TRIM23: variants seen among roughly 807,000 people sequenced by gnomAD.
The protein encoded by TRIM23 is tripartite motif containing 23, also known as E3 ubiquitin-protein ligase TRIM23.
A neutral mutation model predicts 71.0 loss-of-function variants in TRIM23; 27 were observed. That is an observed-to-expected ratio of 0.38 (90% CI 0.28 to 0.52). The LOEUF is 0.52. Ranked by LOEUF, TRIM23 falls within the 20% of genes least tolerant of loss-of-function variation. TRIM23 has a pLI of 0.84. For synonymous variants in TRIM23, 234 were observed against 238.0 expected (o/e 0.98, Z 0.16); for missense variants, 482 against 692.3 (o/e 0.70, Z 3.41).
At chr5:65,618,540 G>A (rs914028196) in intron 1 of TRIM23, among the ~76,000 whole-genome samples, 2 of 152,166 alleles carry the variant, frequency 1.3e-5, no homozygotes, top group South Asian at 4.1e-4. Context: ...TATGATTTCA[G>A]TCATTACATC....
chr5:65,597,280 A>G lies in TRIM23; in HGVS notation c.1180-100T>C, dbSNP rs983757522. On this transcript the variant is annotated intron_variant, in intron 7 of 10. Coordinates refer to ENST00000231524, the MANE Select transcript of TRIM23 (RefSeq NM_001656.4). Reference sequence around the variant, plus strand: ...TACATCTCCTATTCATTCCTCAACCATTGCAATCTGAATTGTATTCCTCAA... The same window carrying G: ...TACATCTCCTATTCATTCCTCAACCGTTGCAATCTGAATTGTATTCCTCAA... The G allele has an allele frequency of 2.0e-5, 24 of 1,208,278 alleles. No individual in the cohort carries two copies. The Admixed American group carries it at 4.7e-4, about 24-fold the overall frequency. The allele number at this position is 1,208,278 out of a possible 1,614,324, so 74.8% of individuals were successfully genotyped here. A position where few individuals can be genotyped will look rare whatever the true frequency, so the allele number is the denominator to read the frequency against.
intron 3 of TRIM23, 172 bp downstream of exon 3, chr5:65,613,926 T>C: frequency 1.3e-6 from 2 of 1,505,200 alleles, no homozygotes; most frequent in Non-Finnish European, 1.8e-6. Flanking sequence ...CAAATAATTC[T>C]AGTTTTTTCT....
chr5:65,613,838 AC>A, intron 3 of TRIM23: 1 of 1,375,014 alleles, frequency 7.3e-7, no homozygotes, highest in South Asian at 1.2e-5. Flanking sequence ...TCCTCTTTTC[AC>A]TTTATTCTTG....
chr5:65,600,004 A>G (rs1754317289), intron 7 of TRIM23, among the ~76,000 whole-genome samples: 1 of 152,138 alleles, frequency 6.6e-6, no homozygotes, highest in Admixed American at 6.5e-5. Context: ...GAAACTTACA[A>G]TCATGGTGGA....
Position 65,610,997 on chromosome 5 carries a change from A to G in TRIM23, c.692T>C (p.Leu231Ser), listed in dbSNP as rs1360232136. ...PEANQIRASI[L>S]DMAHCIRTFT... is the part of the protein sequence containing the mutation. ...GGTCCGTATGCAGTGAGCCATATCT[A>G]AAATTGATGCTCGGATCTGATTAGC... Residue 231 changes from leucine to serine, a missense_variant, in exon 5 of 11, where the codon TTA (leucine) becomes TCA (serine). Physicochemically the swap from Leu to Ser is moderately radical, Grantham distance 145. This residue lies in a region of TRIM23 where 307 missense variants were observed against 495.8 expected (regional missense o/e 0.62). Transcript: ENST00000231524. 1 of 1,613,406 alleles carries G rather than the reference A, an allele frequency of 6.2e-7. No homozygotes were observed. The highest frequency in any genetic ancestry group is 1.3e-5 in the African/African-American group (1 of 74,910).
At chr5:65,614,040 A>C in intron 3 of TRIM23, 58 bp downstream of exon 3, 3 of 1,589,524 alleles carry the variant, frequency 1.9e-6, no homozygotes, top group Middle Eastern at 3.4e-4. Flanking sequence ...TAATAATGGC[A>C]TCTATTAAAA....
chr5:65,590,720 CTT>C lies in TRIM23; in HGVS notation c.*1047_*1048del. The C allele has an allele frequency of 2.0e-6, 2 of 984,682 alleles. No homozygotes were observed. Among genetic ancestry groups the C allele is most frequent in the Non-Finnish European group, 2.4e-6 (2 of 829,640 alleles). 61.0% of individuals were successfully genotyped at this position (984,682 alleles called of 1,614,324 possible). A position where few individuals can be genotyped will look rare whatever the true frequency, so the allele number is the denominator to read the frequency against. ...TTTAGACATTTTTCCTCTAGAGTAA[CTT>C]TTCAAGGCCTTCTCATGAACAGCCT... On this transcript the variant is annotated 3_prime_UTR_variant, in exon 11 of 11. Transcript: ENST00000231524.
In TRIM23 at chr5:65,624,302, G is replaced by T; in HGVS notation, c.-28C>A. The T allele has an allele frequency of 6.2e-7, 1 of 1,612,160 alleles. No homozygotes were observed. Among genetic ancestry groups the T allele is most frequent in the Non-Finnish European group, 8.5e-7 (1 of 1,179,524 alleles). ...TCGCAGGGGAAGCGCCACAGAAACA[G>T]CCTTCAGAGTCCTCAACTGAGAGGC... On this transcript the variant is annotated 5_prime_UTR_variant, in exon 1 of 11. The change creates a new upstream start codon in the 5' untranslated region. Coordinates refer to ENST00000231524, the MANE Select transcript of TRIM23 (RefSeq NM_001656.4).
Position 65,591,602 on chromosome 5 carries a change from A to AT in TRIM23, c.*166dup. ...ATTAGAAATTTAATTCTGCCACAAA[A>AT]TTTTTTTAAAGCAAAGTACTGAATT... On this transcript the variant is annotated 3_prime_UTR_variant, in exon 11 of 11. Coordinates refer to ENST00000231524, the MANE Select transcript of TRIM23 (RefSeq NM_001656.4). 8.0e-7 allele frequency: 1 copy of AT among 1,254,488 alleles called. No homozygotes were observed. The highest frequency in any genetic ancestry group is 1.0e-6 in the Non-Finnish European group (1 of 968,368). 77.7% of individuals were successfully genotyped at this position (1,254,488 alleles called of 1,614,324 possible). A position where few individuals can be genotyped will look rare whatever the true frequency, so the allele number is the denominator to read the frequency against.
intron 7 of TRIM23, chr5:65,604,669 G>A: frequency 2.9e-6 from 1 of 347,566 alleles, no homozygotes; most frequent in Middle Eastern, 7.7e-4. Flanking sequence ...TTAAAAATAT[G>A]GCACACTTCA....
In TRIM23 at chr5:65,590,365, G is replaced by A; in HGVS notation, c.*1404C>T. ...TACATATTGCCCATAATACTGATAG[G>A]CTTTTTTTTTAATGCTTTGTTTTCT... On this transcript the variant is annotated 3_prime_UTR_variant, in exon 11 of 11. Coordinates refer to ENST00000231524, the MANE Select transcript of TRIM23 (RefSeq NM_001656.4). 7.0e-7 allele frequency: 1 copy of A among 1,421,068 alleles called. No homozygotes were observed. Among genetic ancestry groups the A allele is most frequent in the South Asian group, 1.6e-5 (1 of 63,552 alleles). 88.0% of individuals were successfully genotyped at this position (1,421,068 alleles called of 1,614,324 possible).
intron 9 of TRIM23, 49 bp from the exon 10 acceptor site, chr5:65,594,694 C>A: frequency 1.4e-6 from 2 of 1,453,606 alleles, no homozygotes; most frequent in South Asian, 2.7e-5. Context: ...TGCTAAAGTT[C>A]AGTAAATGAA....
chr5:65,594,400 C>CA (rs1291550635), intron 10 of TRIM23, 121 bp downstream of exon 10: 2 of 1,292,066 alleles, frequency 1.5e-6, no homozygotes, highest in African/African-American at 1.5e-5. Context: ...AGATTGTACT[C>CA]AAAATACACA....
intron 3 of TRIM23, among the ~76,000 whole-genome samples, chr5:65,612,596 A>G (rs1030758170): frequency 2.6e-5 from 4 of 152,148 alleles, no homozygotes; most frequent in African/African-American, 9.7e-5. Context: ...GAGGCAGGTG[A>G]TCACTTGAGG....
Position 65,591,923 on chromosome 5 carries a change from TCTA to T in TRIM23, c.1568_1570del (p.Val523del). 1 of 1,613,690 alleles carries T rather than the reference TCTA, an allele frequency of 6.2e-7. No individual in the cohort carries two copies. The highest frequency in any genetic ancestry group is 8.5e-7 in the Non-Finnish European group (1 of 1,179,782). ...GAGACTGAGTAGTTCAGTGATTTCT[TCTA>T]CTGACAGTGCTCCAGCAACATCCTG... is the stretch of plus-strand genomic sequence containing the variant. On this transcript the variant is annotated inframe_deletion, in exon 11 of 11. Transcript: ENST00000231524.
intron 7 of TRIM23, among the ~76,000 whole-genome samples, chr5:65,602,678 AG>A (rs2150627954): frequency 6.6e-6 from 1 of 152,334 alleles, no homozygotes; most frequent in South Asian, 2.1e-4. Flanking sequence ...TTGGACTTAC[AG>A]TTCCACATGG....
intron 1 of TRIM23, among the ~76,000 whole-genome samples, chr5:65,621,856 C>T (rs1250997840): frequency 5.9e-5 from 9 of 151,284 alleles, no homozygotes; most frequent in Admixed American, 5.9e-4. Context: ...GAGAAAGGGT[C>T]TCACTCTGTC....
chr5:65,593,546 A>G (rs1170820843), intron 10 of TRIM23, among the ~76,000 whole-genome samples: 1 of 152,232 alleles, frequency 6.6e-6, no homozygotes, highest in African/African-American at 2.4e-5. Flanking sequence ...CATGTCTTAA[A>G]TATACCAGTT....
In TRIM23 at chr5:65,591,221, G is replaced by T. The variant is rs1449477593; in HGVS notation, c.*548C>A. On this transcript the variant is annotated 3_prime_UTR_variant, in exon 11 of 11. Transcript: ENST00000231524. ...TACCTTATAGTTCTTAGCATTAAAGGTGTTCTGTTAACTCTGAACATAAAC... is the reference window on the plus strand; with the variant it reads ...TACCTTATAGTTCTTAGCATTAAAGTTGTTCTGTTAACTCTGAACATAAAC... 8.1e-7 allele frequency: 1 copy of T among 1,232,818 alleles called. No homozygotes were observed. The highest frequency in any genetic ancestry group is 1.0e-6 in the Non-Finnish European group (1 of 985,704). The allele number at this position is 1,232,818 out of a possible 1,614,324, so 76.4% of individuals were successfully genotyped here. A position where few individuals can be genotyped will look rare whatever the true frequency, so the allele number is the denominator to read the frequency against.
Sources: allele counts gnomAD v4.1 joint callset (sites outside exome capture counted in the v4.1 genomes callset), GRCh38; gene constraint gnomAD v4.1.1; regional missense constraint gnomAD v4.1.1; transcripts MANE v1.5; gene names NCBI Gene and HGNC (gene_info 2026-07-23, HGNC 2026-07-21).